The following GPC6 variants were observed in gnomAD, a reference collection of about 807,000 sequenced individuals.
GPC6 encodes glypican-6.
A neutral mutation model predicts 55.2 loss-of-function variants in GPC6; 14 were observed. The observed-to-expected ratio is 0.25, with a 90% CI of 0.17 to 0.40. The LOEUF (loss-of-function observed/expected upper bound fraction) is 0.40. Among genes scored for constraint, GPC6 ranks in the 10% least tolerant of loss-of-function variants. The pLI, the probability that GPC6 is intolerant of heterozygous loss-of-function variation, is 1.00. For missense variants in GPC6, 641 were observed against 708.5 expected (o/e 0.90, Z 1.08); for synonymous variants, 278 against 259.6 (o/e 1.07, Z -0.68).
chr13:93,943,413 A>T (rs569629172), intron 3 of GPC6, among the ~76,000 whole-genome samples: 1 of 152,240 alleles, frequency 6.6e-6, no homozygotes, highest in South Asian at 2.1e-4. Context: ...CTAGAAATGT[A>T]TATCCCTCAT....
At chr13:93,590,893 G>C (rs923709030) in intron 2 of GPC6, among the ~76,000 whole-genome samples, 1 of 151,906 alleles carries the variant, frequency 6.6e-6, no homozygotes, top group Non-Finnish European at 1.5e-5. Context: ...TAAAAAGGAC[G>C]AGCTAGTGGG....
intron 4 of GPC6, among the ~76,000 whole-genome samples, chr13:94,143,496 ATTC>A (rs1887455083): frequency 1.3e-5 from 2 of 152,222 alleles, no homozygotes; most frequent in African/African-American, 4.8e-5. Flanking sequence ...GAATCATGAC[ATTC>A]TTCTCAGATA....
intron 6 of GPC6, among the ~76,000 whole-genome samples, chr13:94,358,360 T>A (rs189465795): frequency 6.6e-5 from 10 of 151,856 alleles, no homozygotes; most frequent in African/African-American, 2.4e-4. Context: ...TACTACATAT[T>A]CAAAAAACTA....
chr13:93,750,586 A>G (rs1481195544), intron 2 of GPC6, among the ~76,000 whole-genome samples: 1 of 152,182 alleles, frequency 6.6e-6, no homozygotes, highest in Non-Finnish European at 1.5e-5. Context: ...AAAATATACA[A>G]TTGGAATATA....
At chr13:93,387,299 A>G (rs1181594721) in intron 1 of GPC6, among the ~76,000 whole-genome samples, 2 of 152,070 alleles carry the variant, frequency 1.3e-5, no homozygotes, top group Non-Finnish European at 2.9e-5. Flanking sequence ...TGCACCAGGT[A>G]CCTGTACTAA....
At chr13:93,529,307 T>G (rs1455585432) in intron 1 of GPC6, among the ~76,000 whole-genome samples, 1 of 152,170 alleles carries the variant, frequency 6.6e-6, no homozygotes, top group Non-Finnish European at 1.5e-5. Flanking sequence ...TCAAAGAGAT[T>G]GGTAATACTA....
At chr13:93,617,081 A>G (rs1878754343) in intron 2 of GPC6, among the ~76,000 whole-genome samples, 2 of 152,124 alleles carry the variant, frequency 1.3e-5, no homozygotes, top group Non-Finnish European at 2.9e-5. Context: ...AGTTATATTT[A>G]GGCCACACCA....
intron 4 of GPC6, among the ~76,000 whole-genome samples, chr13:94,060,568 T>TA (rs966222858): frequency 1.3e-5 from 2 of 152,216 alleles, no homozygotes; most frequent in Non-Finnish European, 2.9e-5. Flanking sequence ...AAAAGGATGA[T>TA]AAAGTATGTA....
At chr13:94,081,513 C>T (rs1885094887) in intron 4 of GPC6, among the ~76,000 whole-genome samples, 1 of 152,022 alleles carries the variant, frequency 6.6e-6, no homozygotes, top group African/African-American at 2.4e-5. Context: ...CTCAGAATTA[C>T]AAGAAATGGA....
At chr13:94,401,571 G>A (rs564792812) in intron 8 of GPC6, among the ~76,000 whole-genome samples, 3 of 152,216 alleles carry the variant, frequency 2.0e-5, no homozygotes, top group East Asian at 1.9e-4. Flanking sequence ...GTCAAGGGCC[G>A]TATATTAAAT....
intron 3 of GPC6, among the ~76,000 whole-genome samples, chr13:93,938,368 T>C (rs1163719887): frequency 6.6e-6 from 1 of 152,230 alleles, no homozygotes; most frequent in Admixed American, 6.5e-5. Context: ...AATGATTCTT[T>C]CTTAATTTGT....
intron 2 of GPC6, among the ~76,000 whole-genome samples, chr13:93,789,482 ACT>A (rs766627327): frequency 0.034 from 2,036 of 59,540 alleles, 55 homozygotes; most frequent in African/African-American, 0.097. Context: ...ATGTGAGTGA[ACT>A]CTCTCTCTCT....
At chr13:93,401,318 G>A (rs551908945) in intron 1 of GPC6, among the ~76,000 whole-genome samples, 3 of 152,142 alleles carry the variant, frequency 2.0e-5, no homozygotes, top group South Asian at 4.1e-4. Context: ...AGTCAACAAG[G>A]GAGGGCAGGG....
intron 4 of GPC6, among the ~76,000 whole-genome samples, chr13:94,215,427 A>T (rs1217578627): frequency 6.6e-6 from 1 of 152,120 alleles, no homozygotes; most frequent in Admixed American, 6.6e-5. Flanking sequence ...CTTATGTATA[A>T]TTTTTTTCTA....
intron 2 of GPC6, among the ~76,000 whole-genome samples, chr13:93,567,615 A>T (rs1298816826): frequency 6.6e-6 from 1 of 151,906 alleles, no homozygotes; most frequent in East Asian, 1.9e-4. Context: ...GAGCCTCTGC[A>T]CCCGGCCTAT....
chr13:94,034,844 T>C (rs1431330799), intron 4 of GPC6, among the ~76,000 whole-genome samples: 1 of 151,746 alleles, frequency 6.6e-6, no homozygotes, highest in African/African-American at 2.4e-5. Context: ...GGCATACCTA[T>C]TGTGCAACTA....
At chr13:94,097,246 T>C (rs1885695001) in intron 4 of GPC6, among the ~76,000 whole-genome samples, 1 of 152,122 alleles carries the variant, frequency 6.6e-6, no homozygotes, top group Admixed American at 6.5e-5. Context: ...CTCAGGCCTG[T>C]AATCCCAGCA....
At chr13:94,240,502 A>G (rs1261707074) in intron 4 of GPC6, among the ~76,000 whole-genome samples, 1 of 152,158 alleles carries the variant, frequency 6.6e-6, no homozygotes, top group African/African-American at 2.4e-5. Flanking sequence ...TCATTTAAAA[A>G]ATAATGATTG....
chr13:93,242,077 CT>C (rs1876451190), intron 1 of GPC6, among the ~76,000 whole-genome samples: 1 of 152,048 alleles, frequency 6.6e-6, no homozygotes. Context: ...TTGATGTGTA[CT>C]TTTTTCCCCA....
Sources: gnomAD v4.1 joint callset for allele counts (sites outside exome capture counted in the v4.1 genomes callset) on GRCh38, gnomAD v4.1.1 for gene constraint, MANE v1.5 for transcripts, NCBI Gene and HGNC (gene_info 2026-07-23, HGNC 2026-07-21) for gene names.